The following ZFAND6 variants were observed in gnomAD, a reference collection of about 807,000 sequenced individuals.
ZFAND6 encodes zinc finger AN1-type containing 6.
In ZFAND6, 12 loss-of-function variants were observed where a neutral mutation model predicts 24.5. That is an observed-to-expected ratio of 0.49 (90% CI 0.31 to 0.79). The LOEUF (loss-of-function observed/expected upper bound fraction) is 0.79, where lower values mean the gene tolerates loss of function less well. ZFAND6 is among the 30% of genes least tolerant of loss of function. The probability of loss-of-function intolerance (pLI) is 0.04; values close to 1 mark genes in which losing one functional copy is unlikely to be tolerated. For synonymous variants in ZFAND6, 92 were observed against 81.5 expected (o/e 1.13, Z -0.69); for missense variants, 207 against 245.9 (o/e 0.84, Z 1.06).
chr15:80,061,196 T>C (rs1055599875), intron 1 of ZFAND6, among the ~76,000 whole-genome samples: 1 of 152,208 alleles, frequency 6.6e-6, no homozygotes, highest in Non-Finnish European at 1.5e-5. Context: ...TTTTAAAATG[T>C]GTTTAAAGGG....
chr15:80,069,743 G>A (rs2036868206), intron 1 of ZFAND6, among the ~76,000 whole-genome samples: 1 of 151,964 alleles, frequency 6.6e-6, no homozygotes, highest in Admixed American at 6.6e-5. Context: ...CAAGTAGCTG[G>A]GATTACAGGC....
At chr15:80,063,355 A>T (rs1006018170) in intron 1 of ZFAND6, among the ~76,000 whole-genome samples, 15 of 152,090 alleles carry the variant, frequency 9.9e-5, no homozygotes, top group African/African-American at 3.6e-4. Flanking sequence ...TGTATTTTCC[A>T]CTTAAAGTAC....
At chr15:80,070,802 C>CT (rs950130620) in intron 1 of ZFAND6, among the ~76,000 whole-genome samples, 11 of 150,592 alleles carry the variant, frequency 7.3e-5, no homozygotes, top group East Asian at 3.9e-4. Flanking sequence ...TTTGCCATCT[C>CT]TTTTTTTTTT....
intron 3 of ZFAND6, among the ~76,000 whole-genome samples, chr15:80,121,466 G>T (rs1346783581): frequency 1.3e-5 from 2 of 152,138 alleles, no homozygotes; most frequent in South Asian, 2.1e-4. Flanking sequence ...GTGCTATTCA[G>T]TCCTAAGAAA....
At chr15:80,087,892 A>T (rs1482431674) in intron 1 of ZFAND6, among the ~76,000 whole-genome samples, 1 of 152,176 alleles carries the variant, frequency 6.6e-6, no homozygotes, top group Non-Finnish European at 1.5e-5. Flanking sequence ...TAGTATGCAC[A>T]TACTATATAT....
intron 1 of ZFAND6, among the ~76,000 whole-genome samples, chr15:80,091,834 C>A (rs1421970767): frequency 6.6e-6 from 1 of 151,998 alleles, no homozygotes. Flanking sequence ...GAGGCAGAAT[C>A]TTGCCGTATT....
At chr15:80,128,991 G>T (rs577127708) in intron 5 of ZFAND6, among the ~76,000 whole-genome samples, 1 of 152,218 alleles carries the variant, frequency 6.6e-6, no homozygotes, top group African/African-American at 2.4e-5. Flanking sequence ...CCATTAAATG[G>T]GTTTTTTTGA....
At position 80,137,686 on chromosome 15, in the gene ZFAND6, T is replaced by G. The variant is rs2040925216; in HGVS notation, c.*58T>G. The G allele has an allele frequency of 2.0e-6, 3 of 1,495,112 alleles. No homozygotes were observed. Among genetic ancestry groups the G allele is most frequent in the Non-Finnish European group, 2.7e-6 (3 of 1,127,836 alleles). The allele number at this position is 1,495,112 out of a possible 1,614,324, so 92.6% of individuals were successfully genotyped here. A position where few individuals can be genotyped will look rare whatever the true frequency, so the allele number is the denominator to read the frequency against. On this transcript the variant is annotated 3_prime_UTR_variant, in exon 7 of 7. Coordinates refer to ENST00000261749, the MANE Select transcript of ZFAND6 (RefSeq NM_019006.4). ...TGCAAACTAAAAATTGACTTGAGGT[T>G]TTTTTTTTCCTAGTCATTGGGAATG... is the stretch of plus-strand genomic sequence containing the variant.
chr15:80,077,857 G>A (rs750899080), intron 1 of ZFAND6, among the ~76,000 whole-genome samples: 28 of 151,576 alleles, frequency 1.8e-4, no homozygotes, highest in Non-Finnish European at 3.5e-4. Flanking sequence ...CTGCCACCAC[G>A]CCCGGCTAAT....
intron 1 of ZFAND6, among the ~76,000 whole-genome samples, chr15:80,064,613 C>T (rs2036513509): frequency 6.6e-6 from 1 of 150,390 alleles, no homozygotes; most frequent in Admixed American, 6.6e-5. Flanking sequence ...TACATACACA[C>T]ACACACACAC....
At chr15:80,079,712 C>G (rs1451105334) in intron 1 of ZFAND6, among the ~76,000 whole-genome samples, 1 of 144,718 alleles carries the variant, frequency 6.9e-6, no homozygotes, top group Non-Finnish European at 1.5e-5. Context: ...TGCAGTGGCG[C>G]AAACTTGGCT....
intron 1 of ZFAND6, among the ~76,000 whole-genome samples, chr15:80,069,732 C>G (rs35689309): frequency 0.088 from 13,453 of 152,028 alleles, 690 homozygotes; most frequent in East Asian, 0.19. Context: ...CCTCAGTCTC[C>G]CAAGTAGCTG....
chr15:80,059,872 T>C (rs929485932), intron 1 of ZFAND6, 63 bp downstream of exon 1: 1 of 150,692 alleles, frequency 6.6e-6, no homozygotes, highest in Non-Finnish European at 1.5e-5. Flanking sequence ...CCTGCTCCCT[T>C]CCCCCACCCG....
At chr15:80,120,548 G>T in intron 3 of ZFAND6, 50 bp downstream of exon 3, 4 of 1,394,946 alleles carry the variant, frequency 2.9e-6, no homozygotes, top group East Asian at 2.6e-5. Context: ...AAATACAAGT[G>T]GATATTTCGG....
intron 1 of ZFAND6, among the ~76,000 whole-genome samples, chr15:80,093,890 A>G (rs1410898006): frequency 6.6e-6 from 1 of 152,182 alleles, no homozygotes; most frequent in African/African-American, 2.4e-5. Flanking sequence ...TAGAATAATA[A>G]GATTGGGAGG....
chr15:80,083,023 A>C (rs1291771782), intron 1 of ZFAND6, among the ~76,000 whole-genome samples: 1 of 151,920 alleles, frequency 6.6e-6, no homozygotes, highest in Non-Finnish European at 1.5e-5. Flanking sequence ...ATGGAGTCTC[A>C]CTCTGTCGCC....
intron 1 of ZFAND6, among the ~76,000 whole-genome samples, chr15:80,085,641 A>G (rs896483964): frequency 2.0e-5 from 3 of 152,112 alleles, no homozygotes; most frequent in Non-Finnish European, 2.9e-5. Flanking sequence ...ATATCTGTAT[A>G]TTTTTCTAGC....
chr15:80,102,047 C>A (rs1263451333), intron 2 of ZFAND6, among the ~76,000 whole-genome samples: 2 of 151,936 alleles, frequency 1.3e-5, no homozygotes, highest in African/African-American at 4.8e-5. Context: ...CCGCCTGTTT[C>A]GGCCTCCCAA....
intron 1 of ZFAND6, among the ~76,000 whole-genome samples, chr15:80,085,664 A>G (rs1467380923): frequency 6.6e-6 from 1 of 152,222 alleles, no homozygotes; most frequent in African/African-American, 2.4e-5. Flanking sequence ...TTTTTCTGTA[A>G]ACATGCATAC....
Sources: allele counts gnomAD v4.1 joint callset (sites outside exome capture counted in the v4.1 genomes callset), GRCh38; gene constraint gnomAD v4.1.1; transcripts MANE v1.5; gene names NCBI Gene and HGNC (gene_info 2026-07-23, HGNC 2026-07-21).